Variants in NAV2 observed in about 807,000 individuals in gnomAD.
The protein encoded by NAV2 is helicase, APC down-regulated 1.
In NAV2, 54 loss-of-function variants were observed where a neutral mutation model predicts 223.2. That is an observed-to-expected ratio of 0.24 (90% CI 0.19 to 0.30). The LOEUF (loss-of-function observed/expected upper bound fraction) is 0.30. NAV2 is among the 10% of genes least tolerant of loss of function. NAV2 has a pLI of 1.00. For synonymous variants in NAV2, 1,279 were observed against 1,239.3 expected (o/e 1.03, Z -0.67); for missense variants, 2,806 against 3,147.5 (o/e 0.89, Z 2.60).
chr11:20,097,586 A>G lies in NAV2; in HGVS notation c.6022A>G (p.Ile2008Val). Residue 2008 changes from isoleucine to valine, a missense_variant, in exon 31 of 38, where the codon ATT becomes GTT. Ile to Val is a conservative substitution (Grantham distance 29). This residue lies in a region of NAV2 where 824 missense variants were observed against 1,069.4 expected (regional missense o/e 0.77). Transcript: ENST00000349880. ...VVRRLFKEYI[I>V]HVDPVSQLGL... ...TTTTTATTTTTTCCAGGAATACATC[A>G]TTCATGTCGACCCAGTGAGTCAGCT... The G allele has an allele frequency of 6.3e-7, 1 of 1,591,758 alleles. No individual in the cohort carries two copies. Among genetic ancestry groups the G allele is most frequent in the Non-Finnish European group, 8.5e-7 (1 of 1,173,006 alleles).
intron 1 of NAV2, among the ~76,000 whole-genome samples, chr11:19,601,876 T>C (rs2046358733): frequency 6.6e-6 from 1 of 152,218 alleles, no homozygotes; most frequent in Admixed American, 6.5e-5. Context: ...ACTTCTCCTC[T>C]AGGAACTAGA....
rs77204105 is a variant in NAV2 at position 19,672,875 on chromosome 11, G to A, written c.76-159609G>A. Among the ~76,000 whole-genome samples, 374 of 152,272 alleles carry A rather than the reference G, an allele frequency of 2.5e-3. 9 individuals are homozygous for A. The East Asian group carries it at 0.05, about 20-fold the overall frequency. ...AGCCAGAGGATTTAGGTCTTAAGGA[G>A]GCAGGCAGAGGAACAGGGAAGAGTT... On this transcript the variant is annotated intron_variant, in intron 1 of 37. Coordinates refer to the NAV2 transcript ENST00000360655.
intron 11 of NAV2, among the ~76,000 whole-genome samples, chr11:19,992,059 A>G (rs535171258): frequency 4.6e-5 from 7 of 152,382 alleles, no homozygotes; most frequent in Middle Eastern, 3.4e-3. Flanking sequence ...AGTGGCCAGC[A>G]TTAACGATCT....
intron 1 of NAV2, among the ~76,000 whole-genome samples, chr11:19,695,934 G>T (rs1782228604): frequency 2.3e-5 from 1 of 43,748 alleles, no homozygotes; most frequent in African/African-American, 5.0e-5. Context: ...TAGATGACCT[G>T]CTTTTTTTTT....
At chr11:19,948,245 C>G (rs1444776252) in intron 9 of NAV2, among the ~76,000 whole-genome samples, 1 of 152,006 alleles carries the variant, frequency 6.6e-6, no homozygotes, top group African/African-American at 2.4e-5. Flanking sequence ...GCCACTATGC[C>G]CAGCTAATTT....
chr11:19,818,068 T>C (rs1470965456), intron 1 of NAV2, among the ~76,000 whole-genome samples: 1 of 152,036 alleles, frequency 6.6e-6, no homozygotes, highest in African/African-American at 2.4e-5. Context: ...TTCCCTTTTT[T>C]TCATGCAAAG....
chr11:19,586,563 G>T (rs2045902644), intron 1 of NAV2, among the ~76,000 whole-genome samples: 1 of 152,074 alleles, frequency 6.6e-6, no homozygotes, highest in African/African-American at 2.4e-5. Context: ...TTTTGTTGTG[G>T]ATGTCCTTTC....
At chr11:19,736,685 C>A (rs1303063808) in intron 1 of NAV2, among the ~76,000 whole-genome samples, 3 of 152,192 alleles carry the variant, frequency 2.0e-5, no homozygotes, top group Admixed American at 6.5e-5. Context: ...AAAAGGCAAA[C>A]CCAGGATTTA....
At chr11:19,458,665 G>A (rs929643205) in intron 1 of NAV2, among the ~76,000 whole-genome samples, 1 of 152,230 alleles carries the variant, frequency 6.6e-6, no homozygotes, top group African/African-American at 2.4e-5. Context: ...CAGAGCTAGT[G>A]AGAGGTAGAG....
chr11:20,112,644 C>T (rs187545274), intron 36 of NAV2, among the ~76,000 whole-genome samples: 2 of 152,300 alleles, frequency 1.3e-5, no homozygotes, highest in South Asian at 2.1e-4. Context: ...GGCTGAGTCA[C>T]GTGGCTCACA....
At chr11:20,074,790 T>C (rs2059623156) in intron 22 of NAV2, among the ~76,000 whole-genome samples, 1 of 148,894 alleles carries the variant, frequency 6.7e-6, no homozygotes, top group Non-Finnish European at 1.5e-5. Context: ...TTCCATTTGC[T>C]TGGTAAATAT....
chr11:20,034,362 GT>G (rs774988268), intron 11 of NAV2, among the ~76,000 whole-genome samples: 5,090 of 133,218 alleles, frequency 0.038, 129 homozygotes, highest in Non-Finnish European at 0.046. Flanking sequence ...TTTTTTTTTT[GT>G]TTTTTTTTTT....
At chr11:19,941,003 A>G (rs1441838904) in intron 8 of NAV2, among the ~76,000 whole-genome samples, 1 of 152,214 alleles carries the variant, frequency 6.6e-6, no homozygotes, top group Admixed American at 6.5e-5. Context: ...TCTGATGTGC[A>G]GACATCAAAA....
At chr11:19,369,577 C>G (rs1848403034) in intron 1 of NAV2, among the ~76,000 whole-genome samples, 1 of 152,072 alleles carries the variant, frequency 6.6e-6, no homozygotes, top group African/African-American at 2.4e-5. Context: ...TTTGTGACTT[C>G]CTCAGAGATT....
intron 1 of NAV2, among the ~76,000 whole-genome samples, chr11:19,448,695 A>G (rs529666502): frequency 5.8e-4 from 89 of 152,374 alleles, no homozygotes; most frequent in African/African-American, 1.9e-3. Flanking sequence ...ATGGGATTAC[A>G]TTCCTTACTT....
chr11:19,825,657 G>A (rs1343127622), intron 1 of NAV2, among the ~76,000 whole-genome samples: 1 of 152,168 alleles, frequency 6.6e-6, no homozygotes, highest in East Asian at 1.9e-4. Context: ...GTGCTACCCG[G>A]CTTCATTTGA....
At chr11:20,096,622 A>C (rs1009903314) in intron 30 of NAV2, among the ~76,000 whole-genome samples, 16 of 152,196 alleles carry the variant, frequency 1.1e-4, no homozygotes, top group Admixed American at 9.8e-4. Context: ...TCAAAACCTA[A>C]CTTAACTATT....
rs568884957 is a variant in NAV2 at position 19,962,052 on chromosome 11, A to G, written c.2645+12972A>G. 2.8e-4 allele frequency among the ~76,000 whole-genome samples: 43 copies of G among 151,772 alleles called. 2 individuals carry two copies. In the South Asian group the frequency reaches 8.6e-3, roughly 30 times the overall value. On this transcript the variant is annotated intron_variant, in intron 10 of 37. Transcript: ENST00000349880. ...TCTTCAGATGCCCTCGTTGCAGGCC[A>G]AGAGGGGATTCTACCTTTAGACTGC... is the stretch of plus-strand genomic sequence containing the variant.
At chr11:19,642,708 G>A (rs1224295886) in intron 1 of NAV2, among the ~76,000 whole-genome samples, 1 of 152,102 alleles carries the variant, frequency 6.6e-6, no homozygotes, top group African/African-American at 2.4e-5. Context: ...GTTTAGCTCA[G>A]CCAAGCAGGA....
Sources: gnomAD v4.1 joint callset for allele counts (sites outside exome capture counted in the v4.1 genomes callset) on GRCh38, gnomAD v4.1.1 for gene constraint, gnomAD v4.1.1 regional missense constraint, MANE v1.5 for transcripts, NCBI Gene and HGNC (gene_info 2026-07-23, HGNC 2026-07-21) for gene names.